The following YAP1 variants were observed in gnomAD, a reference collection of about 807,000 sequenced individuals.
YAP1 encodes the protein transcriptional coactivator YAP1.
In YAP1, 5 loss-of-function variants were observed where a neutral mutation model predicts 56.9. The observed-to-expected ratio is 0.09, with a 90% confidence interval of 0.05 to 0.18. The LOEUF (loss-of-function observed/expected upper bound fraction) is 0.18. Among genes scored for constraint, YAP1 ranks in the 10% least tolerant of loss-of-function variants. The pLI is 1.00. For synonymous variants in YAP1, 265 were observed against 248.1 expected (o/e 1.07, Z -0.64); for missense variants, 539 against 651.8 (o/e 0.83, Z 1.88).
chr11:102,174,654 G>A (rs571895498), intron 3 of YAP1, among the ~76,000 whole-genome samples: 72 of 152,140 alleles, frequency 4.7e-4, no homozygotes, highest in East Asian at 2.9e-3. Flanking sequence ...CACAAAGACC[G>A]ATCATACTTT....
chr11:102,136,678 A>G (rs1325568280), intron 2 of YAP1, among the ~76,000 whole-genome samples: 1 of 152,138 alleles, frequency 6.6e-6, no homozygotes, highest in Non-Finnish European at 1.5e-5. Context: ...GAAAAGTTTC[A>G]TATATATGTC....
chr11:102,196,288 T>A (rs2135552750), intron 4 of YAP1, among the ~76,000 whole-genome samples: 1 of 152,268 alleles, frequency 6.6e-6, no homozygotes, highest in East Asian at 1.9e-4. Flanking sequence ...TATTTTATAA[T>A]AAATAGCCAA....
At chr11:102,158,761 C>T (rs1480075614) in intron 2 of YAP1, among the ~76,000 whole-genome samples, 5 of 152,174 alleles carry the variant, frequency 3.3e-5, no homozygotes, top group Non-Finnish European at 7.3e-5. Flanking sequence ...AAATTATAAT[C>T]CTAAACTTTG....
Position 102,231,689 on chromosome 11 carries a change from G to A in YAP1, c.*1749G>A, listed in dbSNP as rs1347448945. The A allele has an allele frequency of 6.6e-6, 1 of 152,582 alleles. No individual in the cohort carries two copies. The highest frequency in any genetic ancestry group is 1.5e-5 in the Non-Finnish European group (1 of 68,020). 9.5% of individuals were successfully genotyped at this position (152,582 alleles called of 1,614,324 possible). A position where few individuals can be genotyped will look rare whatever the true frequency, so the allele number is the denominator to read the frequency against. On this transcript the variant is annotated 3_prime_UTR_variant, in exon 9 of 9. Coordinates refer to ENST00000282441, the MANE Select transcript of YAP1 (RefSeq NM_001130145.3). ...AAGTAATAGTTGGTTGTGAATTAAA[G>A]TGGCACCAGCTAGCACCTCTGTGTT...
At chr11:102,164,243 C>T (rs886790714) in intron 3 of YAP1, among the ~76,000 whole-genome samples, 3 of 152,080 alleles carry the variant, frequency 2.0e-5, no homozygotes, top group African/African-American at 7.2e-5. Context: ...CTATGTTGGC[C>T]AGGCTGGTCT....
intron 7 of YAP1, among the ~76,000 whole-genome samples, chr11:102,224,026 A>T (rs1433939034): frequency 6.6e-6 from 1 of 152,214 alleles, no homozygotes. Flanking sequence ...ACAGTTACTT[A>T]AAATTACAGA....
chr11:102,161,486 T>G (rs1946290268), intron 2 of YAP1, among the ~76,000 whole-genome samples: 1 of 152,144 alleles, frequency 6.6e-6, no homozygotes. Context: ...CTAAAACATT[T>G]TCAGCAGCTG....
At chr11:102,223,381 A>G (rs1318822873) in intron 6 of YAP1, among the ~76,000 whole-genome samples, 1 of 152,126 alleles carries the variant, frequency 6.6e-6, no homozygotes, top group Non-Finnish European at 1.5e-5. Context: ...CAAAGTAGCA[A>G]AATGTATATA....
Position 102,175,938 on chromosome 11 carries a change from G to A in YAP1, c.689-10080G>A, listed in dbSNP as rs117217473. On this transcript the variant is annotated intron_variant, in intron 3 of 8. Transcript: ENST00000282441. The stretch of plus-strand genomic sequence containing the variant: ...ATTTGTATATAACTATTTCCATTGC[G>A]TCTGCCTAAAAATCTTAGTAGTGTG... 5.1e-3 allele frequency among the ~76,000 whole-genome samples: 780 copies of A among 152,148 alleles called. 1 individual carries two copies. The highest frequency in any genetic ancestry group is 0.017 in the Middle Eastern group (5 of 294).
At chr11:102,186,956 G>A (rs1469887608) in intron 4 of YAP1, among the ~76,000 whole-genome samples, 1 of 151,976 alleles carries the variant, frequency 6.6e-6, no homozygotes, top group Non-Finnish European at 1.5e-5. Context: ...CTTCATCTTG[G>A]ACTAGATGCA....
At chr11:102,150,215 C>T (rs1945555912) in intron 2 of YAP1, among the ~76,000 whole-genome samples, 1 of 151,960 alleles carries the variant, frequency 6.6e-6, no homozygotes, top group African/African-American at 2.4e-5. Context: ...AACTCCTGAG[C>T]TCAGGTGATC....
chr11:102,192,791 C>A (rs957870833), intron 4 of YAP1, among the ~76,000 whole-genome samples: 1 of 152,150 alleles, frequency 6.6e-6, no homozygotes. Context: ...ATTTATTGCA[C>A]CATTTAAGTT....
chr11:102,141,607 A>G (rs1201922685), intron 2 of YAP1, among the ~76,000 whole-genome samples: 1 of 152,240 alleles, frequency 6.6e-6, no homozygotes, highest in Non-Finnish European at 1.5e-5. Flanking sequence ...TGAAAGATGG[A>G]TAAGAATAGA....
intron 2 of YAP1, among the ~76,000 whole-genome samples, chr11:102,116,786 A>G (rs1355407061): frequency 1.3e-5 from 2 of 152,168 alleles, no homozygotes; most frequent in Non-Finnish European, 1.5e-5. Flanking sequence ...TTTTGATTCC[A>G]TGGAAGAATT....
chr11:102,129,718 A>C (rs886759910), intron 2 of YAP1, among the ~76,000 whole-genome samples: 1 of 146,196 alleles, frequency 6.8e-6, no homozygotes, highest in African/African-American at 2.5e-5. Context: ...TCCAGGTTCC[A>C]TTTTTCAGTA....
intron 1 of YAP1, chr11:102,112,510 A>G (rs1310571763): frequency 1.0e-6 from 1 of 982,778 alleles, no homozygotes; most frequent in Non-Finnish European, 1.2e-6. Context: ...AGGTTTTCCA[A>G]ATACTGCAAT....
chr11:102,130,952 T>C (rs1365330), intron 2 of YAP1, among the ~76,000 whole-genome samples: 75,734 of 151,722 alleles, frequency 0.5, 20,959 homozygotes, highest in South Asian at 0.69. Flanking sequence ...AGTCACTGTT[T>C]CTTTGCAATG....
intron 4 of YAP1, among the ~76,000 whole-genome samples, chr11:102,187,783 G>A (rs999042246): frequency 1.3e-5 from 2 of 152,148 alleles, no homozygotes; most frequent in African/African-American, 4.8e-5. Flanking sequence ...TGTTTTAAGA[G>A]GAGGAGGTAC....
rs545568601 is a variant in YAP1 at position 102,165,763 on chromosome 11, GGATAGGATAACTGACA to G, written c.688+3211_688+3226del. On this transcript the variant is annotated intron_variant, in intron 3 of 8. Coordinates refer to ENST00000282441, the MANE Select transcript of YAP1 (RefSeq NM_001130145.3). Reference sequence around the variant, plus strand: ...ATGTTCTTCACTGTATGTTAACCAGGGATAGGATAACTGACAGATAGGATAACTGACAGAGCGAAGC... The same window carrying G: ...ATGTTCTTCACTGTATGTTAACCAGGGATAGGATAACTGACAGAGCGAAGC... 2.7e-4 allele frequency among the ~76,000 whole-genome samples: 41 copies of G among 152,260 alleles called. No individual in the cohort carries two copies. The East Asian group carries it at 4.2e-3, about 16-fold the overall frequency.
Sources: allele counts gnomAD v4.1 joint callset (sites outside exome capture counted in the v4.1 genomes callset), GRCh38; gene constraint gnomAD v4.1.1; transcripts MANE v1.5; gene names NCBI Gene and HGNC (gene_info 2026-07-23, HGNC 2026-07-21).